FER: variants seen among roughly 807,000 people sequenced by gnomAD.
The protein encoded by FER is FER tyrosine kinase.
Under a neutral mutation model 111.0 loss-of-function variants are expected in FER, and 63 were observed. The ratio of observed to expected loss-of-function variants is 0.57; its 90% CI spans 0.46 to 0.70. The LOEUF (loss-of-function observed/expected upper bound fraction) is 0.70. Among genes scored for constraint, FER ranks in the 30% least tolerant of loss-of-function variants. FER has a pLI of 0.00. For missense variants in FER, 914 were observed against 954.0 expected (o/e 0.96, Z 0.55); for synonymous variants, 327 against 313.9 (o/e 1.04, Z -0.44).
intron 14 of FER, among the ~76,000 whole-genome samples, chr5:109,042,758 C>G (rs1263652607): frequency 1.3e-5 from 2 of 152,072 alleles, no homozygotes; most frequent in Non-Finnish European, 2.9e-5. Flanking sequence ...GAAGTATCAG[C>G]TTCTGATTGG....
chr5:108,946,195 T>C lies in FER; in HGVS notation c.1302T>C (p.Ser434=). The part of the protein sequence containing the change: ...IRHSIAGIIR[S]PKSALGSSAL... Reference sequence around the variant, plus strand: ...ATTCAATTGCTGGAATAATTAGGTCTCCAAAATCTGCACTGGGCTCTTCAG... The same window carrying C: ...ATTCAATTGCTGGAATAATTAGGTCCCCAAAATCTGCACTGGGCTCTTCAG... Residue 434 remains serine (S), a synonymous_variant, in exon 11 of 20, where the codon TCT becomes TCC. Transcript: ENST00000281092. The C allele has an allele frequency of 6.2e-7, 1 of 1,612,148 alleles. No individual in the cohort carries two copies. Among genetic ancestry groups the C allele is most frequent in the Non-Finnish European group, 8.5e-7 (1 of 1,178,806 alleles).
chr5:109,035,199 A>G (rs1770205472), intron 13 of FER, among the ~76,000 whole-genome samples: 2 of 152,004 alleles, frequency 1.3e-5, no homozygotes, highest in South Asian at 4.2e-4. Flanking sequence ...ACACCCAGCT[A>G]ATTTTTGTAT....
At chr5:109,033,689 T>C (rs890216180) in intron 13 of FER, among the ~76,000 whole-genome samples, 1 of 152,148 alleles carries the variant, frequency 6.6e-6, no homozygotes, top group Non-Finnish European at 1.5e-5. Flanking sequence ...CTACCCCATC[T>C]TTATCCAATT....
rs544861422 is a variant in FER at position 108,922,773 on chromosome 5, C to T, written c.1237-23357C>T. 1.0e-3 allele frequency among the ~76,000 whole-genome samples: 152 copies of T among 152,102 alleles called. 1 individual carries two copies. The highest frequency in any genetic ancestry group is 1.1e-3 in the Non-Finnish European group (74 of 67,948). ...AGGGAGTGAATACTGGGAAACTATACGCATTGTTTACTGAATATATCAACA... is the reference window on the plus strand; with the variant it reads ...AGGGAGTGAATACTGGGAAACTATATGCATTGTTTACTGAATATATCAACA... On this transcript the variant is annotated intron_variant, in intron 10 of 19. Transcript: ENST00000281092.
At chr5:108,868,055 T>A in intron 6 of FER, 105 bp downstream of exon 6, 1 of 1,029,352 alleles carries the variant, frequency 9.7e-7, no homozygotes, top group Non-Finnish European at 1.4e-6. Flanking sequence ...ATTAACCCAG[T>A]CCAGGGGGTA....
At chr5:109,037,029 T>A (rs1262726873) in intron 13 of FER, among the ~76,000 whole-genome samples, 1 of 152,032 alleles carries the variant, frequency 6.6e-6, no homozygotes, top group Non-Finnish European at 1.5e-5. Context: ...AAAAACAATT[T>A]CTAAGATTAA....
chr5:109,082,944 CAAG>C (rs1777160664), intron 16 of FER, among the ~76,000 whole-genome samples: 1 of 151,768 alleles, frequency 6.6e-6, no homozygotes, highest in Non-Finnish European at 1.5e-5. Context: ...AAATGCTAAG[CAAG>C]ATAGCTTTCT....
chr5:109,019,779 G>C (rs1767687138), intron 13 of FER, among the ~76,000 whole-genome samples: 1 of 151,702 alleles, frequency 6.6e-6, no homozygotes, highest in African/African-American at 2.4e-5. Flanking sequence ...TTACACACCT[G>C]ACAATAACCT....
chr5:109,105,230 TTGTGTGTGTGTGTG>T (rs72106747), intron 17 of FER, among the ~76,000 whole-genome samples: 292 of 138,638 alleles, frequency 2.1e-3, no homozygotes, highest in East Asian at 6.2e-3. Flanking sequence ...CAGCTTATAT[TTGTGTGTGTGTGTG>T]TGTGTGTGTG....
At chr5:108,993,634 T>A (rs116570605) in intron 13 of FER, among the ~76,000 whole-genome samples, 100 of 105,306 alleles carry the variant, frequency 9.5e-4, no homozygotes, top group African/African-American at 3.7e-3. Flanking sequence ...AGGGCGAGGG[T>A]GAGGGCGAGG....
At chr5:109,176,613 C>G (rs530118384) in intron 17 of FER, among the ~76,000 whole-genome samples, 1 of 151,996 alleles carries the variant, frequency 6.6e-6, no homozygotes, top group Non-Finnish European at 1.5e-5. Flanking sequence ...CTCAAGAAGG[C>G]AGAAGGGAAG....
At chr5:109,122,041 T>C (rs566857653) in intron 17 of FER, among the ~76,000 whole-genome samples, 3 of 152,024 alleles carry the variant, frequency 2.0e-5, no homozygotes, top group African/African-American at 7.2e-5. Flanking sequence ...AACTTTTGTT[T>C]TGTTAGCCTT....
intron 16 of FER, among the ~76,000 whole-genome samples, chr5:109,061,264 T>A (rs1333737329): frequency 1.3e-5 from 2 of 152,198 alleles, no homozygotes; most frequent in Non-Finnish European, 2.9e-5. Flanking sequence ...ACTTCAAAAT[T>A]ATTTGTCTTT....
intron 13 of FER, among the ~76,000 whole-genome samples, chr5:109,011,932 T>A (rs555096168): frequency 1.3e-5 from 2 of 152,256 alleles, no homozygotes; most frequent in Non-Finnish European, 2.9e-5. Context: ...TGAACACTCA[T>A]GCGTCAGTTA....
intron 3 of FER, among the ~76,000 whole-genome samples, chr5:108,811,120 C>T (rs755555331): frequency 2.6e-5 from 4 of 152,022 alleles, no homozygotes; most frequent in Non-Finnish European, 5.9e-5. Context: ...GCATCCCAGG[C>T]TGCTGAACCA....
chr5:109,149,044 G>C (rs994164380), intron 17 of FER, among the ~76,000 whole-genome samples: 1 of 151,856 alleles, frequency 6.6e-6, no homozygotes, highest in Non-Finnish European at 1.5e-5. Flanking sequence ...TCTCTAAAAG[G>C]TCCAAATAAT....
At chr5:109,181,427 C>A (rs977310530) in intron 18 of FER, among the ~76,000 whole-genome samples, 1 of 151,518 alleles carries the variant, frequency 6.6e-6, no homozygotes, top group Non-Finnish European at 1.5e-5. Context: ...AATTTTTATG[C>A]GTCATTGTAA....
chr5:108,985,397 C>G (rs1316147236), intron 13 of FER, among the ~76,000 whole-genome samples: 1 of 151,980 alleles, frequency 6.6e-6, no homozygotes, highest in African/African-American at 2.4e-5. Flanking sequence ...CTGATAGTCA[C>G]TATTTGTTTC....
chr5:109,057,485 T>C (rs1413631823), intron 16 of FER, among the ~76,000 whole-genome samples: 8 of 151,994 alleles, frequency 5.3e-5, no homozygotes, highest in African/African-American at 7.3e-5. Context: ...TGAATAACTT[T>C]ATACAAATTT....
Sources: gnomAD v4.1 joint callset for allele counts (sites outside exome capture counted in the v4.1 genomes callset) on GRCh38, gnomAD v4.1.1 for gene constraint, MANE v1.5 for transcripts, NCBI Gene and HGNC (gene_info 2026-07-23, HGNC 2026-07-21) for gene names.